PDE11A: variants seen among roughly 807,000 people sequenced by gnomAD.
PDE11A encodes the protein phosphodiesterase 11A, also known as dual 3',5'-cyclic-AMP and -GMP phosphodiesterase 11A.
A neutral mutation model predicts 100.5 loss-of-function variants in PDE11A; 100 were observed. The ratio of observed to expected loss-of-function variants is 1.00; its 90% CI spans 0.85 to 1.18. The LOEUF (loss-of-function observed/expected upper bound fraction) is 1.18, where lower values mean the gene tolerates loss of function less well. PDE11A is among the 50% of genes most tolerant of loss of function. The pLI, the probability that PDE11A is intolerant of heterozygous loss-of-function variation, is 0.00. For missense variants in PDE11A, 1,141 were observed against 1,152.6 expected (o/e 0.99, Z 0.15); for synonymous variants, 381 against 420.8 (o/e 0.91, Z 1.16).
At chr2:177,896,710 C>T (rs187170789) in intron 4 of PDE11A, among the ~76,000 whole-genome samples, 9 of 152,282 alleles carry the variant, frequency 5.9e-5, no homozygotes, top group African/African-American at 1.7e-4. Context: ...AGCCTTATTT[C>T]CTCATCTATA....
At chr2:177,692,669 C>A (rs1199372396) in intron 15 of PDE11A, among the ~76,000 whole-genome samples, 1 of 152,184 alleles carries the variant, frequency 6.6e-6, no homozygotes, top group South Asian at 2.1e-4. Context: ...GTTGGAAAAT[C>A]AGAGTGAATC....
chr2:177,953,203 C>T (rs999935682), intron 2 of PDE11A: 1 of 152,062 alleles, frequency 6.6e-6, no homozygotes. Context: ...AACAAACAAA[C>T]AAATAAAAAT....
intron 4 of PDE11A, among the ~76,000 whole-genome samples, chr2:177,891,343 C>T (rs2084526074): frequency 6.6e-6 from 1 of 152,122 alleles, no homozygotes; most frequent in Non-Finnish European, 1.5e-5. Flanking sequence ...AAAGTTATCC[C>T]AACTTAAGTT....
In PDE11A at chr2:177,770,528, G is replaced by A. The variant is rs546904046; in HGVS notation, c.1738-1155C>T. ...GGCCTTGGTCAATGAATTATAAGTGGGAGTGTCGGCGCTGCTTCTTTCTTT... is the reference window on the plus strand; with the variant it reads ...GGCCTTGGTCAATGAATTATAAGTGAGAGTGTCGGCGCTGCTTCTTTCTTT... On this transcript the variant is annotated intron_variant, in intron 9 of 19. Transcript: ENST00000286063. 1.3e-4 allele frequency among the ~76,000 whole-genome samples: 20 copies of A among 150,378 alleles called. 1 individual carries two copies. The highest frequency in any genetic ancestry group is 4.7e-4 in the African/African-American group (19 of 40,234).
At chr2:178,030,775 G>A (rs1464480820) in intron 1 of PDE11A, among the ~76,000 whole-genome samples, 1 of 152,162 alleles carries the variant, frequency 6.6e-6, no homozygotes, top group Admixed American at 6.5e-5. Context: ...CTACTTGGGA[G>A]GCTGAGGTGC....
intron 2 of PDE11A, among the ~76,000 whole-genome samples, chr2:178,088,120 T>A (rs1408875950): frequency 6.6e-6 from 1 of 152,106 alleles, no homozygotes; most frequent in Admixed American, 6.5e-5. Context: ...CACAGTATTA[T>A]GTGTTTACAT....
intron 2 of PDE11A, among the ~76,000 whole-genome samples, chr2:177,944,953 G>GC (rs1451168223): frequency 6.7e-6 from 1 of 149,742 alleles, no homozygotes; most frequent in Non-Finnish European, 1.5e-5. Context: ...GCCTCAGCCT[G>GC]CTGAGTGCCT....
Position 177,937,608 on chromosome 2 carries a change from C to T in PDE11A, c.1072-32421G>A, listed in dbSNP as rs567843733. On this transcript the variant is annotated intron_variant, in intron 2 of 19. Transcript: ENST00000286063. ...CTGGAATTACAGGCGTGAGCCACCG[C>T]GTCCAGGCCTCTTGGCAAGAAGATA... Among the ~76,000 whole-genome samples, 5 of 152,282 alleles carry T rather than the reference C, an allele frequency of 3.3e-5. No homozygotes were observed. The South Asian group carries it at 6.2e-4, about 19-fold the overall frequency.
rs72950806 is a variant in PDE11A, at chr2:177,939,246, A to C, written c.1072-34059T>G. ...ATTACAAAAGGAGAGCCAAGCAGAC[A>C]TTATATATCTCCTGGCAGAGGCATA... On this transcript the variant is annotated intron_variant, in intron 2 of 19. Transcript: ENST00000286063. 5.0e-3 allele frequency among the ~76,000 whole-genome samples: 762 copies of C among 152,178 alleles called. 6 individuals carry two copies. The highest frequency in any genetic ancestry group is 7.6e-3 in the Non-Finnish European group (518 of 68,002).
At chr2:177,762,709 GC>G (rs1225171906) in intron 10 of PDE11A, among the ~76,000 whole-genome samples, 1 of 152,024 alleles carries the variant, frequency 6.6e-6, no homozygotes, top group Non-Finnish European at 1.5e-5. Context: ...AATCCTCCAG[GC>G]CCGCTCTTCC....
chr2:177,994,311 C>G (rs553424006), intron 2 of PDE11A, among the ~76,000 whole-genome samples: 1 of 152,270 alleles, frequency 6.6e-6, no homozygotes, highest in South Asian at 2.1e-4. Context: ...AAGCTGTATA[C>G]ATGGCATGTA....
intron 4 of PDE11A, among the ~76,000 whole-genome samples, chr2:177,883,283 A>G (rs1297589842): frequency 6.6e-6 from 1 of 150,620 alleles, no homozygotes; most frequent in Non-Finnish European, 1.5e-5. Flanking sequence ...AAAAAAAAAG[A>G]AAAAGAATGA....
At chr2:177,677,224 C>G (rs1285119687) in intron 16 of PDE11A, among the ~76,000 whole-genome samples, 1 of 152,144 alleles carries the variant, frequency 6.6e-6, no homozygotes, top group East Asian at 1.9e-4. Flanking sequence ...CTAATAGCTA[C>G]CACTTATTGG....
At chr2:177,895,427 GC>G (rs2084596254) in intron 4 of PDE11A, among the ~76,000 whole-genome samples, 1 of 151,930 alleles carries the variant, frequency 6.6e-6, no homozygotes, top group African/African-American at 2.4e-5. Context: ...CGTGGTGGGT[GC>G]CTGTTATCCC....
intron 9 of PDE11A, among the ~76,000 whole-genome samples, chr2:177,785,740 C>T (rs1213560727): frequency 6.6e-6 from 1 of 152,220 alleles, no homozygotes; most frequent in African/African-American, 2.4e-5. Context: ...TTATATCCCA[C>T]ACATGGCTCG....
intron 2 of PDE11A, among the ~76,000 whole-genome samples, chr2:177,968,308 T>C (rs1266940808): frequency 6.6e-6 from 1 of 152,230 alleles, no homozygotes; most frequent in Non-Finnish European, 1.5e-5. Flanking sequence ...GTCTTCCCTG[T>C]GGTTCTCAAA....
At chr2:177,691,790 G>A (rs1004999290) in intron 15 of PDE11A, among the ~76,000 whole-genome samples, 40 of 151,972 alleles carry the variant, frequency 2.6e-4, no homozygotes, top group Admixed American at 6.6e-5. Flanking sequence ...CATGCTTGGG[G>A]GCCACTGTTG....
At chr2:177,883,495 C>T (rs1483262779) in intron 4 of PDE11A, among the ~76,000 whole-genome samples, 1 of 152,056 alleles carries the variant, frequency 6.6e-6, no homozygotes, top group East Asian at 1.9e-4. Context: ...AAACAGTTCA[C>T]AAATGTTTCA....
chr2:177,667,109 T>C (rs1416810042), intron 18 of PDE11A, among the ~76,000 whole-genome samples: 1 of 152,002 alleles, frequency 6.6e-6, no homozygotes, highest in South Asian at 2.1e-4. Flanking sequence ...AGTAGAAGTT[T>C]CACCATGTTG....
Sources: allele counts gnomAD v4.1 joint callset (sites outside exome capture counted in the v4.1 genomes callset), GRCh38; gene constraint gnomAD v4.1.1; transcripts MANE v1.5; gene names NCBI Gene and HGNC (gene_info 2026-07-23, HGNC 2026-07-21).